MEGF6: variants seen among roughly 807,000 people sequenced by gnomAD.
MEGF6 encodes the protein multiple EGF like domains 6.
In MEGF6, 184 loss-of-function variants were observed where a neutral mutation model predicts 207.1. That is an observed-to-expected ratio of 0.89 (90% CI 0.79 to 1.00). MEGF6 has a LOEUF of 1.00. Ranked by LOEUF, MEGF6 falls within the 50% of genes least tolerant of loss-of-function variation. The probability of loss-of-function intolerance (pLI) is 0.00; values close to 1 mark genes in which losing one functional copy is unlikely to be tolerated. For synonymous variants in MEGF6, 1,038 were observed against 910.0 expected (o/e 1.14, Z -2.53); for missense variants, 2,282 against 2,202.9 (o/e 1.04, Z -0.72).
In MEGF6 at chr1:3,556,905, C is replaced by G. The variant is rs1643049982; in HGVS notation, c.481+22920G>C. 6.6e-6 allele frequency among the ~76,000 whole-genome samples: 1 copy of G among 152,216 alleles called. No individual in the cohort carries two copies. Among genetic ancestry groups the G allele is most frequent in the African/African-American group, 2.4e-5 (1 of 41,458 alleles). On this transcript the variant is annotated intron_variant, in intron 4 of 36. Coordinates refer to ENST00000356575, the MANE Select transcript of MEGF6 (RefSeq NM_001409.4). The surrounding 1 kb of genome is among the most constrained non-coding windows in gnomAD (Gnocchi z 4.4). Reference sequence around the variant, plus strand: ...GCCAGGGCTGTGGAAAGAACGAAGGCAGCCCCTCAGCCGACCTGACCTAGG... The same window carrying G: ...GCCAGGGCTGTGGAAAGAACGAAGGGAGCCCCTCAGCCGACCTGACCTAGG...
chr1:3,607,314 T>C (rs1644264003), intron 1 of MEGF6, among the ~76,000 whole-genome samples: 1 of 151,346 alleles, frequency 6.6e-6, no homozygotes, highest in African/African-American at 2.4e-5. Flanking sequence ...GCCCTATGTC[T>C]CCCCAATAAC....
At chr1:3,584,080 A>G (rs1643863954) in intron 3 of MEGF6, among the ~76,000 whole-genome samples, 2 of 152,186 alleles carry the variant, frequency 1.3e-5, no homozygotes, top group African/African-American at 4.8e-5. Flanking sequence ...GTCTGCCTCA[A>G]ATTCCTAGAC....
chr1:3,531,078 A>ACCTG (rs1327895067), intron 4 of MEGF6: 60 of 1,518,766 alleles, frequency 4.0e-5, no homozygotes, highest in Non-Finnish European at 5.2e-5. Context: ...CCCGGCGCCC[A>ACCTG]CCTGGCCTCT....
chr1:3,600,016 A>C (rs1053250849), intron 2 of MEGF6, among the ~76,000 whole-genome samples: 5 of 152,098 alleles, frequency 3.3e-5, no homozygotes. Context: ...CGAGCCTCCC[A>C]TGGCACCAGC....
intron 35 of MEGF6, 128 bp downstream of exon 35, chr1:3,492,511 T>A (rs895182873): frequency 1.5e-6 from 2 of 1,319,352 alleles, no homozygotes; most frequent in Non-Finnish European, 2.1e-6. Flanking sequence ...ACATTCGCTA[T>A]GTCTGAATAG....
At position 3,494,619 on chromosome 1, in the gene MEGF6, C is replaced by T. The variant is rs1296004364; in HGVS notation, c.3994G>A (p.Glu1332Lys). The T allele has an allele frequency of 2.5e-5, 39 of 1,562,568 alleles. No individual in the cohort carries two copies. Among genetic ancestry groups the T allele is most frequent in the Non-Finnish European group, 3.1e-5 (36 of 1,155,878 alleles). ...GCTGGCCCCGCACACTCACCCAGCT[C>T]GCAGTGCCGCCCCGTCCAGCCCAGG... ...CGLGWTGRHC[E>K]LACPPGRYGA... Residue 1332 changes from glutamate (E) to lysine (K), a missense_variant, in exon 31 of 37, where the codon GAG (glutamate) becomes AAG (lysine). Transcript: ENST00000356575.
intron 4 of MEGF6, among the ~76,000 whole-genome samples, chr1:3,537,298 G>A (rs542510813): frequency 6.6e-6 from 1 of 152,382 alleles, no homozygotes; most frequent in South Asian, 2.1e-4. Flanking sequence ...ATGAAACAGG[G>A]GGAAGGAGCT....
intron 17 of MEGF6, 103 bp from the exon 18 acceptor site, chr1:3,502,024 A>AG: frequency 1.3e-6 from 2 of 1,497,938 alleles, no homozygotes; most frequent in Non-Finnish European, 1.8e-6. Flanking sequence ...TGTGCCTCAC[A>AG]TGGGCTCCTG....
Position 3,498,490 on chromosome 1 carries a change from G to T in MEGF6, c.3233C>A (p.Pro1078His). ...AGLACEKECL[P>H]RDVRAGCRHS... Reference sequence around the variant, plus strand: ...CCGGCAGCCAGCTCTGACGTCCCGGGGGAGGCACTCTACAGGAGCAGAGGC... The same window carrying T: ...CCGGCAGCCAGCTCTGACGTCCCGGTGGAGGCACTCTACAGGAGCAGAGGC... The change falls in exon 26 of 37, where the codon CCC becomes CAC. Residue 1078 changes from proline (P) to histidine (H), a missense_variant. By Grantham distance (77) the Pro-to-His change is moderately conservative. Coordinates refer to ENST00000356575, the MANE Select transcript of MEGF6 (RefSeq NM_001409.4). 1 of 1,577,588 alleles carries T rather than the reference G, an allele frequency of 6.3e-7. No homozygotes were observed. The highest frequency in any genetic ancestry group is 2.3e-5 in the East Asian group (1 of 43,242).
At chr1:3,584,873 C>T (rs1390037794) in intron 3 of MEGF6, among the ~76,000 whole-genome samples, 4 of 152,260 alleles carry the variant, frequency 2.6e-5, no homozygotes, top group South Asian at 2.1e-4. Context: ...ATGGGGCTCC[C>T]AGCCCGGAGG....
At chr1:3,600,495 G>A (rs911117215) in intron 2 of MEGF6, among the ~76,000 whole-genome samples, 30 of 152,320 alleles carry the variant, frequency 2.0e-4, no homozygotes, top group South Asian at 1.7e-3. Flanking sequence ...AGGAGGACAG[G>A]CGGGAGCTGG....
chr1:3,538,925 C>T (rs908182777), intron 4 of MEGF6, among the ~76,000 whole-genome samples: 11 of 152,140 alleles, frequency 7.2e-5, no homozygotes, highest in African/African-American at 1.7e-4. Context: ...GCCAGGGGAG[C>T]GGAGAATGCA....
intron 4 of MEGF6, among the ~76,000 whole-genome samples, chr1:3,525,116 C>T (rs1641911821): frequency 6.6e-6 from 1 of 152,146 alleles, no homozygotes. Flanking sequence ...TCAGCCTGGG[C>T]CCCCCACACC....
intron 2 of MEGF6, among the ~76,000 whole-genome samples, chr1:3,596,078 T>C (rs1246346760): frequency 1.3e-5 from 2 of 151,846 alleles, no homozygotes; most frequent in East Asian, 3.9e-4. Context: ...AGGAAGCAGT[T>C]AGGGGAGCAG....
intron 3 of MEGF6, among the ~76,000 whole-genome samples, chr1:3,585,221 A>G (rs1371997205): frequency 1.4e-5 from 2 of 138,856 alleles, no homozygotes; most frequent in Admixed American, 1.4e-4. Context: ...ATGAGTGAGG[A>G]CACTTGTCCT....
rs199963086 is a variant in MEGF6 at position 3,490,538 on chromosome 1, G to A, written c.4616C>T (p.Ala1539Val). 21 of 1,613,172 alleles carry A rather than the reference G, an allele frequency of 1.3e-5. No homozygotes were observed. Among genetic ancestry groups the A allele is most frequent in the Admixed American group, 1.0e-4 (6 of 59,990 alleles). Residue 1539 changes from alanine to valine, a missense_variant, in exon 37 of 37, where the codon GCG (alanine) becomes GTG (valine). Transcript: ENST00000356575. ...SRPTSRSGGP[A>V]RH Reference sequence around the variant, plus strand: ...ACGGGACTGCCTCTACTAGTGCCTCGCTGGTCCACCGCTCCGGGATGTGGG... The same window carrying A: ...ACGGGACTGCCTCTACTAGTGCCTCACTGGTCCACCGCTCCGGGATGTGGG...
In MEGF6 at chr1:3,496,002, G is replaced by A. The variant is rs938325064; in HGVS notation, c.3759C>T (p.Arg1253=). ...ACACGTGGGTGCAGTTGGGGCCGAA[G>A]CGGCCCTGCGGACAGGCTGCCGGGG... ...TDCNLTCPQG[R]FGPNCTHVCG... Residue 1253 remains arginine, a synonymous_variant, in exon 30 of 37, where the codon CGC becomes CGT. Coordinates refer to ENST00000356575, the MANE Select transcript of MEGF6 (RefSeq NM_001409.4). 6.5e-7 allele frequency: 1 copy of A among 1,535,472 alleles called. No homozygotes were observed. Among genetic ancestry groups the A allele is most frequent in the South Asian group, 1.2e-5 (1 of 81,850 alleles).
chr1:3,549,312 C>T (rs1296446021), intron 4 of MEGF6, among the ~76,000 whole-genome samples: 2 of 152,244 alleles, frequency 1.3e-5, no homozygotes, highest in Non-Finnish European at 2.9e-5. Flanking sequence ...CCCAACCCCT[C>T]AGGCTTGGGC....
At chr1:3,595,145 C>T (rs1443437786) in intron 3 of MEGF6, among the ~76,000 whole-genome samples, 193 bp downstream of exon 3, 1 of 152,248 alleles carries the variant, frequency 6.6e-6, no homozygotes, top group Non-Finnish European at 1.5e-5. Flanking sequence ...CTCTCTCTTT[C>T]CGCAGCTCTG....
Sources: gnomAD v4.1 joint callset for allele counts (sites outside exome capture counted in the v4.1 genomes callset) on GRCh38, gnomAD v4.1.1 for gene constraint, Gnocchi (gnomAD v3.1) non-coding constraint, MANE v1.5 for transcripts, NCBI Gene and HGNC (gene_info 2026-07-23, HGNC 2026-07-21) for gene names.